Variants in ARHGAP32 observed in about 807,000 individuals in gnomAD.
ARHGAP32 encodes Rho GTPase activating protein 32.
In ARHGAP32, 51 loss-of-function variants were observed where a neutral mutation model predicts 186.5. That is an observed-to-expected ratio of 0.27 (90% confidence interval 0.22 to 0.35). The LOEUF (loss-of-function observed/expected upper bound fraction) is 0.35. Among genes scored for constraint, ARHGAP32 ranks in the 10% least tolerant of loss-of-function variants. The pLI is 1.00. For missense variants in ARHGAP32, 2,186 were observed against 2,623.5 expected (o/e 0.83, Z 3.64); for synonymous variants, 950 against 964.3 (o/e 0.99, Z 0.27).
intron 5 of ARHGAP32, among the ~76,000 whole-genome samples, chr11:129,101,386 A>G (rs1941894175): frequency 1.3e-5 from 2 of 152,180 alleles, no homozygotes; most frequent in Non-Finnish European, 2.9e-5. Context: ...AATTCAGAAT[A>G]TGCATAGGAA....
At chr11:129,205,990 CA>C (rs1944509647) in intron 1 of ARHGAP32, among the ~76,000 whole-genome samples, 1 of 151,986 alleles carries the variant, frequency 6.6e-6, no homozygotes, top group Admixed American at 6.6e-5. Flanking sequence ...TAACAATTAA[CA>C]AGGGCAAATC....
intron 1 of ARHGAP32, among the ~76,000 whole-genome samples, chr11:129,167,793 G>C (rs1039418980): frequency 6.6e-6 from 1 of 152,158 alleles, no homozygotes; most frequent in African/African-American, 2.4e-5. Flanking sequence ...TCTAGAATTA[G>C]ATAACAGTGG....
intron 11 of ARHGAP32, among the ~76,000 whole-genome samples, chr11:129,027,907 G>A (rs7945923): frequency 0.23 from 35,335 of 152,002 alleles, 4,278 homozygotes; most frequent in African/African-American, 0.28. Context: ...GTATGCACTC[G>A]ATAAATTCTT....
chr11:128,978,359 T>C (rs1490592514), intron 19 of ARHGAP32, among the ~76,000 whole-genome samples: 1 of 152,154 alleles, frequency 6.6e-6, no homozygotes, highest in Non-Finnish European at 1.5e-5. Flanking sequence ...TAATGAGACA[T>C]CTAATAAAAA....
At chr11:129,057,487 C>T (rs964199632) in intron 10 of ARHGAP32, among the ~76,000 whole-genome samples, 8 of 152,044 alleles carry the variant, frequency 5.3e-5, no homozygotes, top group African/African-American at 1.4e-4. Context: ...AATTGTGCCC[C>T]TCTCCCCCAA....
At chr11:129,188,636 C>A (rs917373160) in intron 1 of ARHGAP32, among the ~76,000 whole-genome samples, 1 of 152,108 alleles carries the variant, frequency 6.6e-6, no homozygotes, top group Admixed American at 6.5e-5. Context: ...AACCAACCAA[C>A]GAGTCAAGTG....
intron 1 of ARHGAP32, among the ~76,000 whole-genome samples, chr11:129,251,603 G>C (rs975222732): frequency 2.0e-5 from 3 of 151,874 alleles, no homozygotes; most frequent in African/African-American, 7.3e-5. Context: ...ATTTATCAAA[G>C]AAATAAAGCA....
rs55948818 is a variant in ARHGAP32, at chr11:129,060,819, T to TATA, written c.963+1460_963+1461insTAT. 1.4e-3 allele frequency among the ~76,000 whole-genome samples: 208 copies of TATA among 151,956 alleles called. 2 individuals are homozygous for TATA. Among genetic ancestry groups the TATA allele is most frequent in the Middle Eastern group, 3.4e-3 (1 of 294 alleles). ...TCAACACTTATTGATTAAAAAAAAA[T>TATA]TATACATCAGACCTGGTCTAATAAG... On this transcript the variant is annotated intron_variant, in intron 10 of 22. Coordinates refer to ENST00000682385, the MANE Select transcript of ARHGAP32 (RefSeq NM_001378024.1).
At chr11:129,218,804 T>C (rs978784450) in intron 1 of ARHGAP32, among the ~76,000 whole-genome samples, 1 of 152,116 alleles carries the variant, frequency 6.6e-6, no homozygotes, top group Non-Finnish European at 1.5e-5. Flanking sequence ...AACCTTATAG[T>C]AACACAAGGT....
intron 1 of ARHGAP32, among the ~76,000 whole-genome samples, chr11:129,228,775 G>T (rs906506924): frequency 6.6e-6 from 1 of 152,020 alleles, no homozygotes; most frequent in African/African-American, 2.4e-5. Flanking sequence ...CTAGGTGATG[G>T]GTTGACAGGT....
intron 6 of ARHGAP32, among the ~76,000 whole-genome samples, chr11:129,077,558 C>T (rs1019096982): frequency 6.6e-6 from 1 of 152,072 alleles, no homozygotes; most frequent in Admixed American, 6.5e-5. Flanking sequence ...CTGTATGATG[C>T]AGCAGAAGCA....
At chr11:129,164,052 T>C (rs1185879834) in intron 2 of ARHGAP32, among the ~76,000 whole-genome samples, 1 of 152,086 alleles carries the variant, frequency 6.6e-6, no homozygotes, top group East Asian at 1.9e-4. Context: ...TCAAACCTCA[T>C]CTTCCCACAG....
chr11:129,044,808 G>A (rs1341418992), intron 10 of ARHGAP32, among the ~76,000 whole-genome samples: 3 of 151,678 alleles, frequency 2.0e-5, no homozygotes, highest in Non-Finnish European at 4.4e-5. Flanking sequence ...AATTTGTAAC[G>A]TTAGGGATAA....
At chr11:129,017,324 G>C (rs1057252218) in intron 11 of ARHGAP32, among the ~76,000 whole-genome samples, 8 of 151,742 alleles carry the variant, frequency 5.3e-5, no homozygotes, top group African/African-American at 1.7e-4. Context: ...TGTGGTGGCG[G>C]GCACCTGTAA....
chr11:128,998,159 C>T (rs1946253296), intron 12 of ARHGAP32, among the ~76,000 whole-genome samples, 160 bp downstream of exon 12: 1 of 152,186 alleles, frequency 6.6e-6, no homozygotes, highest in Non-Finnish European at 1.5e-5. Context: ...TTTTCATTCT[C>T]AGCTCCATCC....
chr11:128,981,787 A>T, intron 16 of ARHGAP32, 42 bp downstream of exon 16: 1 of 1,388,172 alleles, frequency 7.2e-7, no homozygotes, highest in Non-Finnish European at 1.0e-6. Flanking sequence ...CCTTTTATTT[A>T]GGATTAGTTC....
chr11:129,114,465 T>C (rs990406268), intron 5 of ARHGAP32, among the ~76,000 whole-genome samples: 1 of 152,154 alleles, frequency 6.6e-6, no homozygotes, highest in Non-Finnish European at 1.5e-5. Context: ...GATTATCTGC[T>C]TCATCAGTGG....
chr11:129,157,751 G>A (rs888035108), intron 2 of ARHGAP32, among the ~76,000 whole-genome samples: 3 of 151,936 alleles, frequency 2.0e-5, no homozygotes, highest in Admixed American at 2.0e-4. Flanking sequence ...TACTCCTCGA[G>A]AAAAACAACC....
At chr11:129,115,202 A>G (rs907485865) in intron 5 of ARHGAP32, among the ~76,000 whole-genome samples, 1 of 151,990 alleles carries the variant, frequency 6.6e-6, no homozygotes, top group East Asian at 1.9e-4. Context: ...CCTACCTTCA[A>G]CCTCCTAATA....
Sources: gnomAD v4.1 joint callset for allele counts (sites outside exome capture counted in the v4.1 genomes callset) on GRCh38, gnomAD v4.1.1 for gene constraint, MANE v1.5 for transcripts, NCBI Gene and HGNC (gene_info 2026-07-23, HGNC 2026-07-21) for gene names.